WDFY2: variants seen among roughly 807,000 people sequenced by gnomAD.
WDFY2 encodes the protein WD repeat and FYVE domain-containing protein 2.
WDFY2 carries 36 observed loss-of-function variants against 56.4 expected under a neutral mutation model. The observed-to-expected ratio is 0.64, with a 90% confidence interval of 0.49 to 0.84. The LOEUF is 0.84. WDFY2 is among the 40% of genes least tolerant of loss of function. The pLI, the probability that WDFY2 is intolerant of heterozygous loss-of-function variation, is 0.00. For synonymous variants in WDFY2, 176 were observed against 183.7 expected (o/e 0.96, Z 0.34); for missense variants, 444 against 512.2 (o/e 0.87, Z 1.29).
At chr13:51,694,487 T>C (rs1951818716) in intron 3 of WDFY2, among the ~76,000 whole-genome samples, 1 of 152,226 alleles carries the variant, frequency 6.6e-6, no homozygotes, top group Non-Finnish European at 1.5e-5. Flanking sequence ...AAAATTCTTT[T>C]CTTTAAGAAT....
intron 4 of WDFY2, among the ~76,000 whole-genome samples, chr13:51,705,996 ATGTCTT>A (rs1952074629): frequency 1.3e-5 from 2 of 152,194 alleles, no homozygotes; most frequent in African/African-American, 2.4e-5. Context: ...GCCATTTCCT[ATGTCTT>A]TGTTAAAATA....
chr13:51,592,352 A>G (rs1954063694), intron 1 of WDFY2: 1 of 152,058 alleles, frequency 6.6e-6, no homozygotes, highest in Non-Finnish European at 1.5e-5. Context: ...AGGCGGGTGG[A>G]TCACCTGAGG....
chr13:51,712,145 T>C (rs994613187), intron 4 of WDFY2, among the ~76,000 whole-genome samples: 1 of 152,144 alleles, frequency 6.6e-6, no homozygotes, highest in Non-Finnish European at 1.5e-5. Context: ...ATGTCCTTTG[T>C]AGGGACATGG....
chr13:51,745,973 C>CTTTTTTTTTTTTTTTTTTTT (rs59572351), intron 7 of WDFY2, among the ~76,000 whole-genome samples: 6 of 100,760 alleles, frequency 6.0e-5, no homozygotes, highest in Non-Finnish European at 9.5e-5. Flanking sequence ...TTTTCTTTTT[C>CTTTTTTTTTTTTTTTTTTTT]TTTTTTTTTT....
intron 2 of WDFY2, among the ~76,000 whole-genome samples, chr13:51,663,854 AT>A (rs1304934868): frequency 6.6e-6 from 1 of 152,256 alleles, no homozygotes; most frequent in Non-Finnish European, 1.5e-5. Flanking sequence ...ATATGACCAT[AT>A]TTTATGTTTA....
chr13:51,722,727 G>A (rs4941712), intron 5 of WDFY2, among the ~76,000 whole-genome samples: 152,337 of 152,342 alleles, frequency 1, 76,166 homozygotes, highest in Non-Finnish European at 1. Context: ...TTGGGGGATT[G>A]TAATTTTTCA....
In WDFY2 at chr13:51,721,023, T is replaced by A. The variant is rs145365486; in HGVS notation, c.485+1675T>A. On this transcript the variant is annotated intron_variant, in intron 5 of 11. Coordinates refer to ENST00000298125, the MANE Select transcript of WDFY2 (RefSeq NM_052950.4). Reference sequence around the variant, plus strand: ...CACTGTCACTATGCGTGGTGATGGATGTGTTAATTAATTTGACCATGATGA... The same window carrying A: ...CACTGTCACTATGCGTGGTGATGGAAGTGTTAATTAATTTGACCATGATGA... Among the ~76,000 whole-genome samples, 160 of 152,250 alleles carry A rather than the reference T, an allele frequency of 1.1e-3. 4 individuals carry two copies. The East Asian group carries it at 0.015, about 14-fold the overall frequency.
At chr13:51,676,531 G>T (rs947955116) in intron 3 of WDFY2, among the ~76,000 whole-genome samples, 3 of 152,136 alleles carry the variant, frequency 2.0e-5, no homozygotes, top group African/African-American at 7.2e-5. Context: ...TGGAATGTGG[G>T]CCTCCATTTG....
At chr13:51,751,583 G>C (rs1342231260) in intron 8 of WDFY2, 168 bp downstream of exon 8, 1 of 646,768 alleles carries the variant, frequency 1.5e-6, no homozygotes, top group Non-Finnish European at 2.7e-6. Context: ...CTCACAAGTT[G>C]GCATGTAACA....
intron 1 of WDFY2, among the ~76,000 whole-genome samples, chr13:51,609,502 A>AC: frequency 6.6e-6 from 1 of 151,902 alleles, no homozygotes; most frequent in Non-Finnish European, 1.5e-5. Context: ...GGTATAAGCA[A>AC]CCCTCTCTGC....
At chr13:51,725,486 G>A (rs547423004) in intron 5 of WDFY2, among the ~76,000 whole-genome samples, 133 of 152,214 alleles carry the variant, frequency 8.7e-4, no homozygotes, top group Non-Finnish European at 1.5e-4. Flanking sequence ...CTAGGAGTTT[G>A]AGACCAGCCT....
chr13:51,641,615 A>G (rs936936595), intron 1 of WDFY2, among the ~76,000 whole-genome samples: 2 of 150,292 alleles, frequency 1.3e-5, no homozygotes, highest in Non-Finnish European at 3.0e-5. Flanking sequence ...TCACGAGGTC[A>G]GGAGATCGAG....
At chr13:51,747,214 T>G (rs1048312419) in intron 7 of WDFY2, among the ~76,000 whole-genome samples, 3 of 152,266 alleles carry the variant, frequency 2.0e-5, no homozygotes, top group Non-Finnish European at 4.4e-5. Context: ...ACGTAAGGGT[T>G]AATTTGTAAT....
chr13:51,639,745 G>C (rs1039092497), intron 1 of WDFY2, among the ~76,000 whole-genome samples: 1 of 152,044 alleles, frequency 6.6e-6, no homozygotes, highest in Non-Finnish European at 1.5e-5. Flanking sequence ...TATGCCATTT[G>C]GTGTTTTTCA....
rs752095446 is a variant in WDFY2 at position 51,751,348 on chromosome 13, G to A, written c.764G>A (p.Arg255Gln). 3.7e-6 allele frequency: 6 copies of A among 1,613,986 alleles called. No homozygotes were observed. The highest frequency in any genetic ancestry group is 5.1e-6 in the Non-Finnish European group (6 of 1,179,932). ...GCCCTCTCCTATGCACAGCACACGC[G>A]ACAATTGATCTCCTGTGGCGGTGAT... ...VQALSYAQHTRQLISCGGDGG... is the reference protein window; with the variant it reads ...VQALSYAQHTQQLISCGGDGG... The change falls in exon 8 of 12, where the codon CGA (arginine) becomes CAA (glutamine). Residue 255 changes from arginine (R) to glutamine (Q), a missense_variant. Coordinates refer to ENST00000298125, the MANE Select transcript of WDFY2 (RefSeq NM_052950.4).
intron 7 of WDFY2, among the ~76,000 whole-genome samples, chr13:51,745,973 C>CTTTTTCTTTTTTT (rs1953090484): frequency 2.0e-5 from 2 of 100,758 alleles, no homozygotes; most frequent in African/African-American, 3.9e-5. Context: ...TTTTCTTTTT[C>CTTTTTCTTTTTTT]TTTTTTTTTT....
intron 1 of WDFY2, among the ~76,000 whole-genome samples, chr13:51,638,508 T>A (rs1253020215): frequency 6.6e-6 from 1 of 152,218 alleles, no homozygotes; most frequent in Admixed American, 6.5e-5. Context: ...TTAGATGGAT[T>A]GATTTAAATG....
intron 3 of WDFY2, among the ~76,000 whole-genome samples, chr13:51,703,331 G>A (rs1051898452): frequency 2.6e-5 from 4 of 152,062 alleles, no homozygotes; most frequent in African/African-American, 9.7e-5. Context: ...AGAATCGACC[G>A]GTATCAAGAT....
chr13:51,669,672 G>C (rs1955773569), intron 2 of WDFY2, among the ~76,000 whole-genome samples: 1 of 152,086 alleles, frequency 6.6e-6, no homozygotes, highest in Non-Finnish European at 1.5e-5. Context: ...AAAAATGTTG[G>C]GGAAAATATA....
Sources: allele counts gnomAD v4.1 joint callset (sites outside exome capture counted in the v4.1 genomes callset), GRCh38; gene constraint gnomAD v4.1.1; transcripts MANE v1.5; gene names NCBI Gene and HGNC (gene_info 2026-07-23, HGNC 2026-07-21).